MACROD2: variants seen among roughly 807,000 people sequenced by gnomAD.
MACROD2 encodes ADP-ribose glycohydrolase MACROD2.
Under a neutral mutation model 70.4 loss-of-function variants are expected in MACROD2, and 36 were observed. The observed-to-expected ratio is 0.51, with a 90% CI of 0.39 to 0.68. The LOEUF (loss-of-function observed/expected upper bound fraction) is 0.68. MACROD2 is among the 30% of genes least tolerant of loss of function. The probability of loss-of-function intolerance (pLI) is 0.00; values close to 1 mark genes in which losing one functional copy is unlikely to be tolerated. For missense variants in MACROD2, 496 were observed against 538.4 expected, an observed-to-expected ratio of 0.92 and a Z score of 0.78; for synonymous variants, 172 against 178.8, an observed-to-expected ratio of 0.96 and a Z score of 0.30.
At chr20:14,523,340 G>A (rs1027709449) in intron 4 of MACROD2, 2 of 152,190 alleles carry the variant, frequency 1.3e-5, no homozygotes, top group African/African-American at 4.8e-5. Flanking sequence ...TCTCTGGAAT[G>A]TTGAGTGTCT....
At chr20:15,904,710 T>C (rs2147251714) in intron 10 of MACROD2, among the ~76,000 whole-genome samples, 1 of 151,866 alleles carries the variant, frequency 6.6e-6, no homozygotes, top group South Asian at 2.1e-4. Flanking sequence ...GGCTAACCTG[T>C]CTCTACTAAA....
At chr20:15,259,509 G>T (rs1270332331) in intron 6 of MACROD2, among the ~76,000 whole-genome samples, 1 of 152,016 alleles carries the variant, frequency 6.6e-6, no homozygotes, top group Non-Finnish European at 1.5e-5. Flanking sequence ...TTGTTGTGGT[G>T]ATGGTTTTTT....
chr20:15,229,983 T>C lies in MACROD2; in HGVS notation c.462T>C (p.Asn154=). The change falls in exon 6 of 18, where the codon AAT becomes AAC. Residue 154 remains asparagine, a synonymous_variant. Transcript: ENST00000684519. ...GGCCAATAGCCAGGGGCCATATTAA[T>C]GGTTCCCACAAGGAAGACCTTGCAA... ...TVGPIARGHI[N]GSHKEDLANC... is the part of the protein sequence containing the mutation. 6.2e-7 allele frequency: 1 copy of C among 1,613,910 alleles called. No homozygotes were observed. The highest frequency in any genetic ancestry group is 8.5e-7 in the Non-Finnish European group (1 of 1,179,818).
intron 9 of MACROD2, among the ~76,000 whole-genome samples, chr20:15,876,053 ATGTATGAACC>A (rs1249391745): frequency 6.8e-6 from 1 of 146,798 alleles, no homozygotes; most frequent in East Asian, 2.1e-4. Flanking sequence ...ATTCCACTTT[ATGTATGAACC>A]TGACTTTTAT....
intron 7 of MACROD2, among the ~76,000 whole-genome samples, chr20:15,458,634 TTTTTTAA>T (rs1244169924): frequency 6.5e-4 from 82 of 126,816 alleles, no homozygotes; most frequent in Admixed American, 1.2e-3. Context: ...TTTGTTTTTT[TTTTTTAA>T]AAAAAAAAAA....
At chr20:14,043,626 ATTC>A (rs2053425620) in intron 2 of MACROD2, among the ~76,000 whole-genome samples, 2 of 152,236 alleles carry the variant, frequency 1.3e-5, no homozygotes, top group South Asian at 4.1e-4. Flanking sequence ...GCCGGTTCAG[ATTC>A]TTAGCCTCTC....
chr20:15,953,006 C>T (rs2065927285), intron 12 of MACROD2, among the ~76,000 whole-genome samples: 1 of 152,026 alleles, frequency 6.6e-6, no homozygotes, highest in Non-Finnish European at 1.5e-5. Context: ...TCATGATAAA[C>T]ATACACAATG....
At chr20:15,662,227 A>G (rs745631592) in intron 8 of MACROD2, among the ~76,000 whole-genome samples, 2 of 152,226 alleles carry the variant, frequency 1.3e-5, no homozygotes, top group African/African-American at 4.8e-5. Flanking sequence ...AAAATTACCA[A>G]TACTAAAATG....
chr20:14,788,571 A>G (rs1012743294), intron 5 of MACROD2, among the ~76,000 whole-genome samples: 2 of 117,632 alleles, frequency 1.7e-5, no homozygotes, highest in African/African-American at 7.0e-5. Flanking sequence ...CCAAAGTGAG[A>G]TCACATCTCA....
chr20:15,632,906 C>T (rs2049311768), intron 8 of MACROD2, among the ~76,000 whole-genome samples: 1 of 151,152 alleles, frequency 6.6e-6, no homozygotes, highest in Non-Finnish European at 1.5e-5. Flanking sequence ...TCTTTCGTTC[C>T]CTTCTTTCTC....
At chr20:15,627,641 T>G (rs1600685899) in intron 8 of MACROD2, among the ~76,000 whole-genome samples, 1 of 151,890 alleles carries the variant, frequency 6.6e-6, no homozygotes, top group African/African-American at 2.4e-5. Context: ...GCAAGGTTGG[T>G]GGGGGCCAGG....
intron 3 of MACROD2, among the ~76,000 whole-genome samples, chr20:14,166,931 C>T (rs1169351156): frequency 6.6e-6 from 1 of 152,182 alleles, no homozygotes; most frequent in Admixed American, 6.5e-5. Context: ...CTTCCCATGC[C>T]TTATATACTC....
intron 4 of MACROD2, chr20:14,547,283 C>A: frequency 2.5e-6 from 1 of 400,170 alleles, no homozygotes; most frequent in East Asian, 9.0e-5. Context: ...ATATAATCCT[C>A]ATGATAAATG....
intron 3 of MACROD2, among the ~76,000 whole-genome samples, chr20:14,371,361 C>G (rs1047688544): frequency 6.6e-6 from 1 of 151,954 alleles, no homozygotes; most frequent in South Asian, 2.1e-4. Context: ...GTGGTGTGTG[C>G]CTGTAGTCTC....
At chr20:15,354,339 G>A (rs1483099746) in intron 6 of MACROD2, among the ~76,000 whole-genome samples, 6 of 152,030 alleles carry the variant, frequency 3.9e-5, no homozygotes, top group African/African-American at 9.7e-5. Flanking sequence ...ATCACACACC[G>A]GGGCCTGTTG....
intron 5 of MACROD2, among the ~76,000 whole-genome samples, chr20:15,054,945 G>C (rs1162752277): frequency 9.4e-6 from 1 of 106,122 alleles, no homozygotes; most frequent in African/African-American, 3.8e-5. Context: ...GCCACATCTA[G>C]CTTTTTTTTT....
chr20:14,649,961 G>A (rs193200089), intron 4 of MACROD2, among the ~76,000 whole-genome samples: 67 of 152,270 alleles, frequency 4.4e-4, no homozygotes, highest in African/African-American at 1.5e-3. Flanking sequence ...TGTTTTTGCA[G>A]TAAGTCTGAA....
chr20:15,250,128 T>C (rs1176519853), intron 6 of MACROD2, among the ~76,000 whole-genome samples: 1 of 152,324 alleles, frequency 6.6e-6, no homozygotes, highest in Admixed American at 6.5e-5. Flanking sequence ...CATGCCTTTG[T>C]TTGTGATAGC....
intron 2 of MACROD2, among the ~76,000 whole-genome samples, chr20:14,019,606 A>T (rs1485113017): frequency 6.6e-6 from 1 of 151,972 alleles, no homozygotes. Context: ...TTTGGTGGGC[A>T]GGGAGCTAGG....
Sources: gnomAD v4.1 joint callset for allele counts (sites outside exome capture counted in the v4.1 genomes callset) on GRCh38, gnomAD v4.1.1 for gene constraint, MANE v1.5 for transcripts, NCBI Gene and HGNC (gene_info 2026-07-23, HGNC 2026-07-21) for gene names.